The following PPP1R9A variants were observed in gnomAD, a reference collection of about 807,000 sequenced individuals.
The protein encoded by PPP1R9A is neurabin-1.
A neutral mutation model predicts 141.9 loss-of-function variants in PPP1R9A; 59 were observed. The ratio of observed to expected loss-of-function variants is 0.42; its 90% CI spans 0.34 to 0.52. The LOEUF is 0.52. Among genes scored for constraint, PPP1R9A ranks in the 20% least tolerant of loss-of-function variants. The pLI is 0.10. For synonymous variants in PPP1R9A, 500 were observed against 569.7 expected (o/e 0.88, Z 1.74); for missense variants, 1,444 against 1,611.9 (o/e 0.90, Z 1.78).
intron 5 of PPP1R9A, among the ~76,000 whole-genome samples, chr7:95,164,682 G>A (rs914141008): frequency 7.1e-6 from 1 of 141,006 alleles, no homozygotes; most frequent in Non-Finnish European, 1.5e-5. Flanking sequence ...ATTTTTGCTA[G>A]TATAAGAGTT....
intron 8 of PPP1R9A, among the ~76,000 whole-genome samples, chr7:95,239,883 C>T (rs535472638): frequency 1.5e-3 from 222 of 147,868 alleles, no homozygotes; most frequent in African/African-American, 5.5e-3. Flanking sequence ...GATTTTGATA[C>T]ACTCTTGGGT....
intron 2 of PPP1R9A, among the ~76,000 whole-genome samples, chr7:95,063,426 G>T (rs548173064): frequency 6.6e-6 from 1 of 152,176 alleles, no homozygotes; most frequent in African/African-American, 2.4e-5. Flanking sequence ...TTAGCTCGGT[G>T]TGGCAGCACA....
At chr7:94,947,520 C>T (rs1796023824) in intron 2 of PPP1R9A, among the ~76,000 whole-genome samples, 1 of 152,096 alleles carries the variant, frequency 6.6e-6, no homozygotes, top group South Asian at 2.1e-4. Flanking sequence ...ATTCTTCAAA[C>T]ACAGAAAGTG....
At chr7:94,908,961 AAAAAT>A (rs1356739454) in intron 1 of PPP1R9A, among the ~76,000 whole-genome samples, 3 of 152,200 alleles carry the variant, frequency 2.0e-5, no homozygotes, top group African/African-American at 7.2e-5. Context: ...AAAACAAAAC[AAAAAT>A]AAAATGAAAA....
In PPP1R9A at chr7:95,258,340, C is replaced by T. The variant is rs910001386; in HGVS notation, c.2665+6210C>T. On this transcript the variant is annotated intron_variant, in intron 12 of 19. Transcript: ENST00000433360. Reference sequence around the variant, plus strand: ...CTTTTGAGAAGTGTCTGTTCATATCCTTCGCCCACTTTTTGATGAGGTTGT... The same window carrying T: ...CTTTTGAGAAGTGTCTGTTCATATCTTTCGCCCACTTTTTGATGAGGTTGT... Among the ~76,000 whole-genome samples the T allele has an allele frequency of 3.3e-5, 5 of 152,120 alleles. No homozygotes were observed. The East Asian group carries it at 7.7e-4, about 23-fold the overall frequency.
chr7:95,073,624 G>GTTTTTT (rs36077129), intron 2 of PPP1R9A, among the ~76,000 whole-genome samples: 21 of 105,538 alleles, frequency 2.0e-4, no homozygotes, highest in East Asian at 5.7e-4. Context: ...AAAGAAATAA[G>GTTTTTT]TTTTTTTTTT....
chr7:95,204,614 C>T (rs1165169924), intron 7 of PPP1R9A, among the ~76,000 whole-genome samples: 1 of 150,364 alleles, frequency 6.7e-6, no homozygotes, highest in Non-Finnish European at 1.5e-5. Flanking sequence ...ACACCACACA[C>T]ACACCACACT....
chr7:95,240,575 G>C (rs1797308678), intron 8 of PPP1R9A, among the ~76,000 whole-genome samples: 1 of 150,038 alleles, frequency 6.7e-6, no homozygotes, highest in Non-Finnish European at 1.5e-5. Flanking sequence ...ATTTTTTATT[G>C]GGTAAAATAT....
At chr7:95,168,154 T>C (rs1335173738) in intron 5 of PPP1R9A, among the ~76,000 whole-genome samples, 1 of 152,102 alleles carries the variant, frequency 6.6e-6, no homozygotes, top group African/African-American at 2.4e-5. Flanking sequence ...ATCACAAGGC[T>C]TTAGTAACCA....
chr7:95,250,893 A>C (rs1466396173), intron 10 of PPP1R9A, among the ~76,000 whole-genome samples: 3 of 151,848 alleles, frequency 2.0e-5, no homozygotes, highest in African/African-American at 4.8e-5. Context: ...GTGTAATGTC[A>C]CGGAGACTGA....
At chr7:95,086,673 T>C (rs1816673927) in intron 2 of PPP1R9A, among the ~76,000 whole-genome samples, 1 of 152,014 alleles carries the variant, frequency 6.6e-6, no homozygotes, top group African/African-American at 2.4e-5. Flanking sequence ...AAGCACTCTT[T>C]TGTTTACTTT....
chr7:95,110,578 G>A (rs1394225122), intron 2 of PPP1R9A, among the ~76,000 whole-genome samples: 1 of 152,120 alleles, frequency 6.6e-6, no homozygotes, highest in Non-Finnish European at 1.5e-5. Flanking sequence ...GGACAATCAA[G>A]TTTCTTATGG....
chr7:95,216,047 C>A (rs1318195792), intron 7 of PPP1R9A, among the ~76,000 whole-genome samples: 1 of 152,134 alleles, frequency 6.6e-6, no homozygotes, highest in Non-Finnish European at 1.5e-5. Flanking sequence ...AGTCCTTGCC[C>A]ATGCCTATGT....
chr7:95,014,719 G>A (rs908769067), intron 2 of PPP1R9A, among the ~76,000 whole-genome samples: 3 of 152,080 alleles, frequency 2.0e-5, no homozygotes, highest in African/African-American at 7.2e-5. Flanking sequence ...TTTAAAAAAA[G>A]CATTACTATG....
intron 5 of PPP1R9A, among the ~76,000 whole-genome samples, chr7:95,190,187 C>T (rs543650206): frequency 1.0e-3 from 159 of 152,290 alleles, no homozygotes; most frequent in Middle Eastern, 3.4e-3. Flanking sequence ...TCAAGGGCTG[C>T]TGTTCAGATT....
chr7:94,987,742 A>G (rs1801023432), intron 2 of PPP1R9A, among the ~76,000 whole-genome samples: 1 of 152,140 alleles, frequency 6.6e-6, no homozygotes. Context: ...TTTTAACTTT[A>G]AAAAGATGTT....
chr7:95,032,561 T>C (rs887434838), intron 2 of PPP1R9A, among the ~76,000 whole-genome samples: 16 of 152,130 alleles, frequency 1.1e-4, no homozygotes, highest in African/African-American at 3.9e-4. Flanking sequence ...TGTAACCTTC[T>C]CTGGCAAAAG....
At chr7:95,120,932 G>T in intron 4 of PPP1R9A, 100 bp downstream of exon 4, 2 of 1,428,980 alleles carry the variant, frequency 1.4e-6, no homozygotes, top group South Asian at 1.5e-5. Context: ...TGATTTTTTA[G>T]GATAGAATTT....
chr7:95,286,136 C>G, intron 17 of PPP1R9A, 70 bp from the exon 18 acceptor site: 2 of 1,586,104 alleles, frequency 1.3e-6, no homozygotes, highest in Non-Finnish European at 1.7e-6. Flanking sequence ...CCTTTTAGAG[C>G]TTGTAGACAC....
Sources: allele counts gnomAD v4.1 joint callset (sites outside exome capture counted in the v4.1 genomes callset), GRCh38; gene constraint gnomAD v4.1.1; transcripts MANE v1.5; gene names NCBI Gene and HGNC (gene_info 2026-07-23, HGNC 2026-07-21).